The following KIAA1549L variants were observed in gnomAD, a reference collection of about 807,000 sequenced individuals.
The protein encoded by KIAA1549L is UPF0606 protein KIAA1549L.
A neutral mutation model predicts 160.7 loss-of-function variants in KIAA1549L; 88 were observed. The observed-to-expected ratio is 0.55, with a 90% CI of 0.46 to 0.65. The LOEUF (loss-of-function observed/expected upper bound fraction) is 0.65. KIAA1549L is among the 30% of genes least tolerant of loss of function. KIAA1549L has a pLI of 0.00. For missense variants in KIAA1549L, 2,258 were observed against 2,437.5 expected, an observed-to-expected ratio of 0.93 and a Z score of 1.55; for synonymous variants, 950 against 976.7, an observed-to-expected ratio of 0.97 and a Z score of 0.51.
intron 1 of KIAA1549L, among the ~76,000 whole-genome samples, chr11:33,490,704 A>G (rs1007497150): frequency 6.6e-6 from 1 of 152,188 alleles, no homozygotes; most frequent in African/African-American, 2.4e-5. Context: ...CTTTTGGCGC[A>G]TTCTAGTTCC....
At chr11:33,517,439 G>A (rs1853372947) in intron 1 of KIAA1549L, among the ~76,000 whole-genome samples, 1 of 152,154 alleles carries the variant, frequency 6.6e-6, no homozygotes, top group Non-Finnish European at 1.5e-5. Flanking sequence ...TCCATATCCT[G>A]AGTGCATATG....
At chr11:33,598,130 C>T (rs1284367864) in intron 12 of KIAA1549L, among the ~76,000 whole-genome samples, 5 of 151,550 alleles carry the variant, frequency 3.3e-5, no homozygotes, top group Non-Finnish European at 7.4e-5. Flanking sequence ...ACAAATAGCT[C>T]AAAATCAAAA....
intron 9 of KIAA1549L, among the ~76,000 whole-genome samples, chr11:33,571,219 G>A (rs1053549867): frequency 6.6e-6 from 1 of 152,062 alleles, no homozygotes; most frequent in African/African-American, 2.4e-5. Context: ...GGAGGTGGAG[G>A]TTGCAGTTAG....
chr11:33,516,097 A>G (rs1221515340), intron 1 of KIAA1549L, among the ~76,000 whole-genome samples: 2 of 151,700 alleles, frequency 1.3e-5, no homozygotes, highest in South Asian at 2.1e-4. Context: ...AGAATTCTTC[A>G]TAACAGTCTA....
intron 10 of KIAA1549L, among the ~76,000 whole-genome samples, chr11:33,576,030 G>A (rs986004210): frequency 6.6e-5 from 10 of 152,138 alleles, no homozygotes; most frequent in East Asian, 5.8e-4. Context: ...GCTCTGTGGC[G>A]TCCCAGGCAT....
intron 1 of KIAA1549L, among the ~76,000 whole-genome samples, chr11:33,464,408 G>A (rs570988558): frequency 6.6e-6 from 1 of 152,094 alleles, no homozygotes; most frequent in African/African-American, 2.4e-5. Flanking sequence ...TTATATCCTA[G>A]TGGAGAATGC....
At chr11:33,433,853 C>G (rs1565134955) in intron 1 of KIAA1549L, among the ~76,000 whole-genome samples, 1 of 152,150 alleles carries the variant, frequency 6.6e-6, no homozygotes, top group African/African-American at 2.4e-5. Context: ...AAACCAAACA[C>G]CACATGTTCT....
chr11:33,551,993 A>C, intron 5 of KIAA1549L, 115 bp from the exon 6 acceptor site: 1 of 1,159,164 alleles, frequency 8.6e-7, no homozygotes, highest in South Asian at 1.8e-5. Flanking sequence ...CTTATTATTT[A>C]TTTGCCTAAT....
In KIAA1549L at chr11:33,542,852, A is replaced by T. The variant is rs748950777; in HGVS notation, c.1289A>T (p.Glu430Val). Residue 430 changes from glutamate (E) to valine (V), a missense_variant, in exon 2 of 21, where the codon GAA (glutamate) becomes GTA (valine). Coordinates refer to ENST00000658780, the MANE Select transcript of KIAA1549L (RefSeq NM_012194.3). Reference sequence around the variant, plus strand: ...CAGACTGCAGAATCAGGGGCCATAGAAATGACCAGCAGAAAGCTAGCCTCT... The same window carrying T: ...CAGACTGCAGAATCAGGGGCCATAGTAATGACCAGCAGAAAGCTAGCCTCT... ...LFQTAESGAI[E>V]MTSRKLASAT... 6.2e-7 allele frequency: 1 copy of T among 1,613,912 alleles called. No homozygotes were observed.
At chr11:33,628,426 CTT>C (rs1851181075) in intron 16 of KIAA1549L, among the ~76,000 whole-genome samples, 1 of 151,058 alleles carries the variant, frequency 6.6e-6, no homozygotes, top group South Asian at 2.1e-4. Flanking sequence ...GTCTAAGTCT[CTT>C]TGTAGGTCAC....
At chr11:33,654,331 G>T (rs1338387845) in intron 17 of KIAA1549L, among the ~76,000 whole-genome samples, 7 of 152,174 alleles carry the variant, frequency 4.6e-5, no homozygotes, top group African/African-American at 1.7e-4. Context: ...GTGTCTGGAA[G>T]TTCCAAACTC....
intron 6 of KIAA1549L, among the ~76,000 whole-genome samples, chr11:33,552,707 C>T (rs911212017): frequency 2.8e-5 from 4 of 140,442 alleles, no homozygotes; most frequent in Non-Finnish European, 4.6e-5. Context: ...CACACACATG[C>T]GTTTTATATT....
chr11:33,660,841 TC>T, intron 19 of KIAA1549L, 21 bp from the exon 20 acceptor site: 1 of 1,612,362 alleles, frequency 6.2e-7, no homozygotes, highest in Non-Finnish European at 8.5e-7. Context: ...TTAACCTCCC[TC>T]CTCCATTTCC....
chr11:33,446,192 T>C (rs1851608283), intron 1 of KIAA1549L, among the ~76,000 whole-genome samples: 1 of 150,470 alleles, frequency 6.6e-6, no homozygotes, highest in Non-Finnish European at 1.5e-5. Context: ...CCTCCCAGGC[T>C]CAAGCGATTA....
chr11:33,398,514 G>A (rs930492751), intron 1 of KIAA1549L, among the ~76,000 whole-genome samples: 9 of 152,172 alleles, frequency 5.9e-5, no homozygotes, highest in Admixed American at 2.6e-4. Context: ...GATGGCATGA[G>A]CTATAGTAAA....
intron 14 of KIAA1549L, 139 bp from the exon 15 acceptor site, chr11:33,609,610 C>G (rs1391464788): frequency 7.7e-6 from 5 of 647,908 alleles, no homozygotes; most frequent in Non-Finnish European, 1.4e-5. Context: ...GAATGGGATG[C>G]AGGTGGGCCT....
intron 9 of KIAA1549L, among the ~76,000 whole-genome samples, chr11:33,572,069 C>T (rs1443772442): frequency 6.6e-6 from 1 of 151,412 alleles, no homozygotes; most frequent in Non-Finnish European, 1.5e-5. Flanking sequence ...TAAAGTCTCG[C>T]TCTGTCGCCC....
At chr11:33,614,340 C>A (rs926572436) in intron 15 of KIAA1549L, among the ~76,000 whole-genome samples, 1 of 150,894 alleles carries the variant, frequency 6.6e-6, no homozygotes, top group African/African-American at 2.4e-5. Flanking sequence ...GAACTGCCTG[C>A]TCTATATGGT....
At chr11:33,531,877 G>A (rs1393141735) in intron 1 of KIAA1549L, among the ~76,000 whole-genome samples, 1 of 152,186 alleles carries the variant, frequency 6.6e-6, no homozygotes, top group African/African-American at 2.4e-5. Context: ...ACGGGTCTTG[G>A]TGATTTAGAG....
Sources: gnomAD v4.1 joint callset for allele counts (sites outside exome capture counted in the v4.1 genomes callset) on GRCh38, gnomAD v4.1.1 for gene constraint, MANE v1.5 for transcripts, NCBI Gene and HGNC (gene_info 2026-07-23, HGNC 2026-07-21) for gene names.